COG6: variants seen among roughly 807,000 people sequenced by gnomAD.
The protein encoded by COG6 is conserved oligomeric Golgi complex subunit 6.
Under a neutral mutation model 88.8 loss-of-function variants are expected in COG6, and 74 were observed. That is an observed-to-expected ratio of 0.83 (90% CI 0.69 to 1.01). The LOEUF is 1.01. Among genes scored for constraint, COG6 ranks in the 50% least tolerant of loss-of-function variants. The probability of loss-of-function intolerance (pLI) is 0.00; values close to 1 mark genes in which losing one functional copy is unlikely to be tolerated. For synonymous variants in COG6, 286 were observed against 278.7 expected (o/e 1.03, Z -0.26); for missense variants, 800 against 797.9 (o/e 1.00, Z -0.03).
intron 18 of COG6, among the ~76,000 whole-genome samples, chr13:39,758,218 CAA>C (rs34210362): frequency 1.3e-3 from 71 of 55,778 alleles, no homozygotes; most frequent in African/African-American, 2.9e-3. Flanking sequence ...GATGCCTTCT[CAA>C]AAAAAAAAAA....
At chr13:39,672,042 G>GTAGACTACAT (rs1875678572) in intron 4 of COG6, among the ~76,000 whole-genome samples, 1 of 151,816 alleles carries the variant, frequency 6.6e-6, no homozygotes, top group Non-Finnish European at 1.5e-5. Context: ...ATGTCTACAT[G>GTAGACTACAT]GTTACTTTAA....
intron 18 of COG6, among the ~76,000 whole-genome samples, chr13:39,737,468 C>G (rs576390324): frequency 1.3e-5 from 2 of 151,028 alleles, no homozygotes; most frequent in Admixed American, 1.3e-4. Context: ...GGCCTGGAGT[C>G]AGGAACCTTA....
chr13:39,656,803 C>T lies in COG6; in HGVS notation c.153+924C>T, dbSNP rs114878477. The T allele has an allele frequency of 3.1e-3, 1,432 of 455,842 alleles. 13 individuals are homozygous for T. The highest frequency in any genetic ancestry group is 0.026 in the African/African-American group (1,305 of 50,138). 28.2% of individuals were successfully genotyped at this position (455,842 alleles called of 1,614,324 possible). A position where few individuals can be genotyped will look rare whatever the true frequency, so the allele number is the denominator to read the frequency against. On this transcript the variant is annotated intron_variant, in intron 1 of 18. Transcript: ENST00000455146. Reference sequence around the variant, plus strand: ...GCATCATGATTTGAGTAAGTCCCTTCACTAATCTCAGCTTCTGTTTAGGAA... The same window carrying T: ...GCATCATGATTTGAGTAAGTCCCTTTACTAATCTCAGCTTCTGTTTAGGAA...
At chr13:39,690,787 A>C (rs1440168176) in intron 11 of COG6, among the ~76,000 whole-genome samples, 1 of 151,932 alleles carries the variant, frequency 6.6e-6, no homozygotes, top group Non-Finnish European at 1.5e-5. Flanking sequence ...ACCTAACTGT[A>C]TATTCAGTAA....
In COG6 at chr13:39,779,588, C is replaced by T. The variant is rs1881567630; in HGVS notation, c.1827-8747C>T. Reference sequence around the variant, plus strand: ...TCAACATCATGGAGATGAGAAAGACCAAATGGCACCCAGGGTCCTGCTGAA... The same window carrying T: ...TCAACATCATGGAGATGAGAAAGACTAAATGGCACCCAGGGTCCTGCTGAA... On this transcript the variant is annotated intron_variant, in intron 18 of 18. Transcript: ENST00000416691. Among the ~76,000 whole-genome samples the T allele has an allele frequency of 2.0e-5, 3 of 152,194 alleles. No homozygotes were observed. The South Asian group carries it at 6.2e-4, about 32-fold the overall frequency.
chr13:39,706,858 A>G (rs1877959594), intron 13 of COG6, among the ~76,000 whole-genome samples: 1 of 151,648 alleles, frequency 6.6e-6, no homozygotes, highest in Admixed American at 6.6e-5. Flanking sequence ...TAATTTTTGT[A>G]TTTTTAGTAG....
downstream of COG6, among the ~76,000 whole-genome samples, chr13:39,755,965 A>C (rs1175023927): frequency 6.6e-6 from 1 of 152,190 alleles, no homozygotes; most frequent in Non-Finnish European, 1.5e-5. Flanking sequence ...AGCAACAACA[A>C]ACGGGGTGGG....
At chr13:39,701,045 T>C (rs1161268992) in intron 13 of COG6, among the ~76,000 whole-genome samples, 1 of 151,802 alleles carries the variant, frequency 6.6e-6, no homozygotes, top group Non-Finnish European at 1.5e-5. Flanking sequence ...TATATATAAG[T>C]GGGGAGGCTA....
At chr13:39,665,592 A>G (rs1041431966) in intron 4 of COG6, among the ~76,000 whole-genome samples, 3 of 152,202 alleles carry the variant, frequency 2.0e-5, no homozygotes, top group Non-Finnish European at 4.4e-5. Context: ...GGTTGATTGA[A>G]TGAATGAGTG....
In COG6 at chr13:39,751,081, G is replaced by A. The variant is rs776779226; in HGVS notation, c.1962G>A (p.Thr654=). The change falls in exon 19 of 19, where the codon ACG becomes ACA. Residue 654 remains threonine (T), a synonymous_variant. Transcript: ENST00000455146. The stretch of plus-strand genomic sequence containing the variant: ...ACCGATCGCCGCAGCAAGTGCAGAC[G>A]CTTCTTTCCTGATTATCTTATTTCA... ...ILHRSPQQVQ[T]LLS 2.3e-5 allele frequency: 37 copies of A among 1,613,408 alleles called. No homozygotes were observed. Among genetic ancestry groups the A allele is most frequent in the Middle Eastern group, 3.3e-4 (2 of 6,082 alleles).
chr13:39,665,715 G>A (rs1875212449), intron 4 of COG6, among the ~76,000 whole-genome samples: 1 of 152,200 alleles, frequency 6.6e-6, no homozygotes, highest in South Asian at 2.1e-4. Context: ...CTCATGTGTG[G>A]AGTAGTATAG....
intron 18 of COG6, among the ~76,000 whole-genome samples, chr13:39,778,344 T>G (rs954974901): frequency 2.0e-5 from 3 of 152,200 alleles, no homozygotes; most frequent in Non-Finnish European, 2.9e-5. Flanking sequence ...GCAAAAGGCC[T>G]TGACCAGCAT....
chr13:39,743,465 A>G (rs1880162207), intron 18 of COG6, among the ~76,000 whole-genome samples: 1 of 152,218 alleles, frequency 6.6e-6, no homozygotes, highest in Non-Finnish European at 1.5e-5. Flanking sequence ...ATCAGAGAAT[A>G]CTATAAACAC....
intron 13 of COG6, among the ~76,000 whole-genome samples, chr13:39,718,868 A>C (rs1027376165): frequency 1.3e-5 from 2 of 152,102 alleles, no homozygotes; most frequent in African/African-American, 4.8e-5. Flanking sequence ...ATTATATTAT[A>C]GTTGGAATAG....
chr13:39,727,513 A>T lies in COG6; in HGVS notation c.1791A>T (p.Ile597=). The change falls in exon 18 of 19, where the codon ATA becomes ATT. Residue 597 remains isoleucine, a synonymous_variant. Transcript: ENST00000455146. ...RYLSAPDNLL[I]PQLNFLLSAT... is the part of the protein sequence containing the mutation. ...TGTCAGCCCCAGACAACCTATTGATACCACAGCTGAACTTTCTTCTAAGTG... is the reference window on the plus strand; with the variant it reads ...TGTCAGCCCCAGACAACCTATTGATTCCACAGCTGAACTTTCTTCTAAGTG... 1.2e-6 allele frequency: 2 copies of T among 1,613,464 alleles called. No individual in the cohort carries two copies. Among genetic ancestry groups the T allele is most frequent in the Non-Finnish European group, 8.5e-7 (1 of 1,179,532 alleles).
At position 39,711,045 on chromosome 13, in the gene COG6, T is replaced by C. The variant is rs1878211813; in HGVS notation, c.1285-8191T>C. Reference sequence around the variant, plus strand: ...TTCTGTAATTTTCCATGTTTATCTTTTTTTTTTGAGAAACAAATGGTAAAC... The same window carrying C: ...TTCTGTAATTTTCCATGTTTATCTTCTTTTTTTGAGAAACAAATGGTAAAC... On this transcript the variant is annotated intron_variant, in intron 13 of 18. Transcript: ENST00000455146. 2.0e-5 allele frequency among the ~76,000 whole-genome samples: 3 copies of C among 152,216 alleles called. No homozygotes were observed. In the South Asian group the frequency reaches 6.2e-4, roughly 32 times the overall value.
intron 18 of COG6, among the ~76,000 whole-genome samples, chr13:39,746,123 C>G (rs1428308564): frequency 6.6e-6 from 1 of 151,706 alleles, no homozygotes; most frequent in African/African-American, 2.4e-5. Context: ...AGGAGAAATA[C>G]CTAATGTAAA....
At chr13:39,671,404 T>C (rs1875628607) in intron 4 of COG6, among the ~76,000 whole-genome samples, 1 of 151,942 alleles carries the variant, frequency 6.6e-6, no homozygotes, top group Non-Finnish European at 1.5e-5. Flanking sequence ...AGCTTTTTTT[T>C]TTCTTCCTTT....
At chr13:39,788,591 C>A in exon 19 of COG6, 1 of 539,674 alleles carries the variant, frequency 1.9e-6, no homozygotes, top group East Asian at 2.9e-5. Context: ...CGCACACACA[C>A]AGCATGTAGA....
Sources: gnomAD v4.1 joint callset for allele counts (sites outside exome capture counted in the v4.1 genomes callset) on GRCh38, gnomAD v4.1.1 for gene constraint, MANE v1.5 for transcripts, NCBI Gene and HGNC (gene_info 2026-07-23, HGNC 2026-07-21) for gene names.